Variants in CLNK observed in about 807,000 individuals in gnomAD.
The protein encoded by CLNK is cytokine-dependent hematopoietic cell linker.
A neutral mutation model predicts 68.6 loss-of-function variants in CLNK; 74 were observed. That is an observed-to-expected ratio of 1.08 (90% CI 0.89 to 1.31). The LOEUF (loss-of-function observed/expected upper bound fraction) is 1.31. Ranked by LOEUF, CLNK falls within the 50% of genes most tolerant of loss-of-function variation. CLNK has a pLI of 0.00. For synonymous variants in CLNK, 198 were observed against 172.2 expected, an observed-to-expected ratio of 1.15 and a Z score of -1.17; for missense variants, 553 against 515.3, an observed-to-expected ratio of 1.07 and a Z score of -0.71.
chr4:10,678,342 G>A (rs560842471), intron 1 of CLNK, among the ~76,000 whole-genome samples: 6 of 152,188 alleles, frequency 3.9e-5, no homozygotes, highest in East Asian at 3.9e-4. Context: ...AGTATAAACC[G>A]CTATGCAAGA....
At chr4:10,596,674 GT>G (rs11317906) in intron 3 of CLNK, among the ~76,000 whole-genome samples, 28,771 of 151,372 alleles carry the variant, frequency 0.19, 2,851 homozygotes, top group Middle Eastern at 0.26. Flanking sequence ...GTATGTCTAT[GT>G]TTTTTTTTAA....
chr4:10,570,197 T>C (rs1382549969), intron 5 of CLNK, among the ~76,000 whole-genome samples: 1 of 152,212 alleles, frequency 6.6e-6, no homozygotes, highest in African/African-American at 2.4e-5. Context: ...GCATAGCCTC[T>C]TGGGGGAAGT....
the CLNK span, among the ~76,000 whole-genome samples, chr4:10,734,550 C>T: frequency 6.6e-6 from 1 of 152,188 alleles, no homozygotes; most frequent in Admixed American, 6.5e-5. Context: ...AGCAATTTAG[C>T]AAGAAATATG....
intron 1 of CLNK, among the ~76,000 whole-genome samples, chr4:10,673,426 C>T (rs1015002231): frequency 1.3e-5 from 2 of 151,978 alleles, no homozygotes; most frequent in Admixed American, 6.5e-5. Flanking sequence ...GACAAATGTC[C>T]ATCAGTGATA....
At position 10,489,379 on chromosome 4, in the gene CLNK, G is replaced by A. The variant is rs1028912768; in HGVS notation, c.*1088C>T. On this transcript the variant is annotated 3_prime_UTR_variant, in exon 19 of 19. Transcript: ENST00000226951. Reference sequence around the variant, plus strand: ...TGAATGGAAGTCCATAATTGGAATTGTTAATACAATTTTTAGTTTCCCTCA... The same window carrying A: ...TGAATGGAAGTCCATAATTGGAATTATTAATACAATTTTTAGTTTCCCTCA... 6.6e-6 allele frequency: 1 copy of A among 152,198 alleles called. No individual in the cohort carries two copies. The allele number at this position is 152,198 out of a possible 1,614,324, so 9.4% of individuals were successfully genotyped here. A position where few individuals can be genotyped will look rare whatever the true frequency, so the allele number is the denominator to read the frequency against.
chr4:10,620,015 C>G (rs2720368), intron 2 of CLNK, among the ~76,000 whole-genome samples: 102,963 of 152,020 alleles, frequency 0.68, 35,968 homozygotes, highest in East Asian at 0.77. Flanking sequence ...TCTTTTCACA[C>G]AAGAATGTGA....
chr4:10,557,293 C>A (rs1035259683), intron 8 of CLNK, among the ~76,000 whole-genome samples: 1 of 152,088 alleles, frequency 6.6e-6, no homozygotes, highest in Non-Finnish European at 1.5e-5. Context: ...TGCTCTCCGC[C>A]TGGGGACACT....
At chr4:10,629,741 CA>C (rs1722813288) in intron 2 of CLNK, among the ~76,000 whole-genome samples, 1 of 151,548 alleles carries the variant, frequency 6.6e-6, no homozygotes, top group Non-Finnish European at 1.5e-5. Flanking sequence ...GGGGGGAAGG[CA>C]GTGTGAAGTT....
chr4:10,550,115 G>C (rs1461346820), intron 8 of CLNK, among the ~76,000 whole-genome samples: 1 of 152,228 alleles, frequency 6.6e-6, no homozygotes, highest in Admixed American at 6.5e-5. Context: ...TTGTTCTTTG[G>C]AGTGGCTGCT....
intron 18 of CLNK, among the ~76,000 whole-genome samples, chr4:10,494,075 A>G (rs1716706920): frequency 6.6e-6 from 1 of 152,234 alleles, no homozygotes; most frequent in South Asian, 2.1e-4. Flanking sequence ...GTAGACCATT[A>G]CTGTAAGCCT....
intron 8 of CLNK, among the ~76,000 whole-genome samples, chr4:10,545,933 A>G (rs1719211883): frequency 6.6e-6 from 1 of 152,182 alleles, no homozygotes; most frequent in African/African-American, 2.4e-5. Context: ...GCTGTGCTGC[A>G]GTGTAGGAAG....
At chr4:10,719,816 G>A in the CLNK span, among the ~76,000 whole-genome samples, 1 of 152,114 alleles carries the variant, frequency 6.6e-6, no homozygotes, top group Non-Finnish European at 1.5e-5. Flanking sequence ...CCACATCCTG[G>A]GACATAAAAC....
upstream of CLNK, among the ~76,000 whole-genome samples, chr4:10,689,154 G>T (rs1725375184): frequency 6.6e-6 from 1 of 150,948 alleles, no homozygotes; most frequent in Non-Finnish European, 1.5e-5. Flanking sequence ...TTTTTCGGGG[G>T]CGACGAGGTC....
rs771781362 is a variant in CLNK, at chr4:10,591,686, A to G, written c.83+6292T>C. On this transcript the variant is annotated intron_variant, in intron 3 of 18. Transcript: ENST00000226951. Reference sequence around the variant, plus strand: ...AGTGCCTGGCACGTAGTAGGAAACTACTCCACGTGTGTGCACAAGTGCCAC... The same window carrying G: ...AGTGCCTGGCACGTAGTAGGAAACTGCTCCACGTGTGTGCACAAGTGCCAC... Among the ~76,000 whole-genome samples, 5 of 152,002 alleles carry G rather than the reference A, an allele frequency of 3.3e-5. 1 individual carries two copies. The highest frequency in any genetic ancestry group is 5.9e-5 in the Non-Finnish European group (4 of 68,004).
At chr4:10,526,814 ATTTTC>A (rs1473348358) in intron 13 of CLNK, among the ~76,000 whole-genome samples, 3 of 152,188 alleles carry the variant, frequency 2.0e-5, no homozygotes, top group Middle Eastern at 3.4e-3. Flanking sequence ...CCTGCTTTTT[ATTTTC>A]TTTTCATCAC....
intron 11 of CLNK, among the ~76,000 whole-genome samples, chr4:10,534,158 CT>C (rs1718654251): frequency 6.6e-6 from 1 of 152,114 alleles, no homozygotes; most frequent in Non-Finnish European, 1.5e-5. Flanking sequence ...GAGCAGTGCA[CT>C]TTATAGATGG....
intron 1 of CLNK, among the ~76,000 whole-genome samples, chr4:10,675,093 G>A (rs1196782852): frequency 1.3e-5 from 2 of 152,132 alleles, no homozygotes; most frequent in African/African-American, 2.4e-5. Context: ...CATGGCACAT[G>A]TTTACCTACG....
chr4:10,707,972 A>G, the CLNK span, among the ~76,000 whole-genome samples: 331 of 152,282 alleles, frequency 2.2e-3, 1 homozygote, highest in African/African-American at 7.7e-3. Context: ...GAAGTTTCCT[A>G]GGGAGGAAAT....
At chr4:10,660,876 C>T (rs1724168462) in intron 2 of CLNK, among the ~76,000 whole-genome samples, 1 of 152,226 alleles carries the variant, frequency 6.6e-6, no homozygotes, top group Non-Finnish European at 1.5e-5. Flanking sequence ...GCTATGTTCC[C>T]TCACAGCTTG....
Sources: gnomAD v4.1 joint callset for allele counts (sites outside exome capture counted in the v4.1 genomes callset) on GRCh38, gnomAD v4.1.1 for gene constraint, MANE v1.5 for transcripts, NCBI Gene and HGNC (gene_info 2026-07-23, HGNC 2026-07-21) for gene names.